The following CCDC141 variants were observed in gnomAD, a reference collection of about 807,000 sequenced individuals.
CCDC141 encodes coiled-coil domain-containing protein 141.
CCDC141 carries 168 observed loss-of-function variants against 181.0 expected under a neutral mutation model. The observed-to-expected ratio is 0.93, with a 90% confidence interval of 0.82 to 1.05. The LOEUF is 1.05. Ranked by LOEUF, CCDC141 falls within the 50% of genes least tolerant of loss-of-function variation. The pLI is 0.00. For missense variants in CCDC141, 1,902 were observed against 1,788.5 expected (o/e 1.06, Z -1.14); for synonymous variants, 666 against 642.3 (o/e 1.04, Z -0.56).
chr2:178,983,062 C>T (rs1394645745), intron 2 of CCDC141, among the ~76,000 whole-genome samples: 1 of 152,170 alleles, frequency 6.6e-6, no homozygotes. Flanking sequence ...CTTAAATGTC[C>T]CTGTCTGACA....
At chr2:178,956,222 C>T (rs747933203) in intron 5 of CCDC141, among the ~76,000 whole-genome samples, 44 of 152,236 alleles carry the variant, frequency 2.9e-4, no homozygotes, top group Non-Finnish European at 5.3e-4. Flanking sequence ...TAACTAACTA[C>T]TCCAACCACT....
At chr2:179,037,917 G>A (rs181516942) in intron 2 of CCDC141, among the ~76,000 whole-genome samples, 21 of 152,274 alleles carry the variant, frequency 1.4e-4, no homozygotes, top group Non-Finnish European at 2.9e-4. Flanking sequence ...GGGAACAAAA[G>A]TTGATGCAGT....
chr2:178,934,652 G>A, intron 6 of CCDC141, among the ~76,000 whole-genome samples: 1 of 152,144 alleles, frequency 6.6e-6, no homozygotes, highest in Non-Finnish European at 1.5e-5. Context: ...AAGTTGCTGT[G>A]TTTCTTGTTC....
intron 10 of CCDC141, 79 bp from the exon 11 acceptor site, chr2:178,885,171 C>T: frequency 1.1e-6 from 1 of 920,996 alleles, no homozygotes; most frequent in East Asian, 2.7e-5. Context: ...TCTGCATATC[C>T]ACCAATTATG....
chr2:178,837,227 G>T lies in CCDC141; in HGVS notation c.3992C>A (p.Ala1331Asp), dbSNP rs1286392084. Residue 1331 changes from alanine to aspartate, a missense_variant, in exon 23 of 24, where the codon GCT (alanine) becomes GAT (aspartate). Transcript: ENST00000443758. ...ESMMSEVHERALQQHPQAQGG... is the reference protein window; with the variant it reads ...ESMMSEVHERDLQQHPQAQGG... ...CTGAGCCTGAGGGTGCTGCTGTAAA[G>T]CTCTCTCATGCACTTCACTCATCAT... The T allele has an allele frequency of 5.0e-6, 8 of 1,614,032 alleles. No individual in the cohort carries two copies. Among genetic ancestry groups the T allele is most frequent in the Non-Finnish European group, 6.8e-6 (8 of 1,179,976 alleles).
At chr2:179,041,901 C>T (rs1443875477) in intron 2 of CCDC141, among the ~76,000 whole-genome samples, 2 of 152,122 alleles carry the variant, frequency 1.3e-5, no homozygotes, top group Non-Finnish European at 2.9e-5. Flanking sequence ...CAGGAGTACC[C>T]AGATTCATAA....
intron 7 of CCDC141, among the ~76,000 whole-genome samples, chr2:178,915,277 A>C (rs1299681049): frequency 1.3e-5 from 2 of 152,230 alleles, no homozygotes; most frequent in African/African-American, 4.8e-5. Flanking sequence ...GAAAAAAGGA[A>C]TATATATGAT....
chr2:178,992,928 G>A (rs544276661), intron 2 of CCDC141, among the ~76,000 whole-genome samples: 2 of 152,218 alleles, frequency 1.3e-5, no homozygotes, highest in East Asian at 1.9e-4. Flanking sequence ...CACCATGTGA[G>A]GAAGGATGTG....
At chr2:179,000,687 G>A (rs1478599004) in intron 2 of CCDC141, among the ~76,000 whole-genome samples, 1 of 152,146 alleles carries the variant, frequency 6.6e-6, no homozygotes, top group East Asian at 1.9e-4. Context: ...ATGTTGAGCT[G>A]AGTCAATTCC....
At chr2:178,938,944 G>C (rs963992367) in intron 6 of CCDC141, among the ~76,000 whole-genome samples, 1 of 152,080 alleles carries the variant, frequency 6.6e-6, no homozygotes, top group Non-Finnish European at 1.5e-5. Context: ...AGTAAGGGAA[G>C]ACAAAGAATA....
At chr2:178,824,818 A>C (rs567105509), downstream of CCDC141, among the ~76,000 whole-genome samples, 1 of 152,158 alleles carries the variant, frequency 6.6e-6, no homozygotes, top group South Asian at 2.1e-4. Flanking sequence ...TTTGAACAAA[A>C]CCTATAATAG....
intron 2 of CCDC141, among the ~76,000 whole-genome samples, chr2:178,989,469 C>G (rs547822767): frequency 6.6e-6 from 1 of 151,742 alleles, no homozygotes; most frequent in East Asian, 1.9e-4. Context: ...TGGTGGGCAC[C>G]TGTAATCCTA....
In CCDC141 at chr2:178,837,167, G is replaced by A. The variant is rs931499698; in HGVS notation, c.4052C>T (p.Ala1351Val). The A allele has an allele frequency of 2.5e-6, 4 of 1,613,800 alleles. No homozygotes were observed. The African/African-American group carries it at 5.3e-5, about 22-fold the overall frequency. ...TTGGGTTTTAGTGAAGTTATTATCA[G>A]CATGCATTTTCTCCCGTGTTTCTAG... ...GLLETREKMH[A>V]DNNFTKTQDR... is the part of the protein sequence containing the mutation. The change falls in exon 23 of 24, where the codon GCT becomes GTT. Residue 1351 changes from alanine to valine, a missense_variant. By Grantham distance (64) the Ala-to-Val change is moderately conservative. Transcript: ENST00000443758.
chr2:178,982,515 G>C (rs371141399), intron 2 of CCDC141, among the ~76,000 whole-genome samples: 4 of 152,210 alleles, frequency 2.6e-5, no homozygotes, highest in Non-Finnish European at 4.4e-5. Flanking sequence ...CCTGAGCGAC[G>C]CAGAAGACGG....
chr2:178,922,572 C>T (rs924968793), intron 6 of CCDC141, among the ~76,000 whole-genome samples: 1 of 152,110 alleles, frequency 6.6e-6, no homozygotes, highest in Admixed American at 6.5e-5. Flanking sequence ...TCAGAAGGCT[C>T]GCTATTTCAG....
At chr2:179,009,877 C>T (rs545706005) in intron 2 of CCDC141, among the ~76,000 whole-genome samples, 4 of 151,708 alleles carry the variant, frequency 2.6e-5, no homozygotes, top group Non-Finnish European at 4.4e-5. Context: ...AAGGTGAAGC[C>T]CAATGCAAGG....
intron 12 of CCDC141, 165 bp downstream of exon 12, chr2:178,877,799 A>G (rs1686413607): frequency 1.5e-6 from 1 of 687,340 alleles, no homozygotes; most frequent in Non-Finnish European, 2.6e-6. Flanking sequence ...AGGCCAAGCA[A>G]GCATTTAAAT....
In CCDC141 at chr2:179,041,491, GTTTTTTTTTTT is replaced by G. The variant is rs35229059; in HGVS notation, c.225+5782_225+5792del. On this transcript the variant is annotated intron_variant, in intron 2 of 23. Transcript: ENST00000443758. ...TATTATTTAATCGGGTTGGTTGTGG[GTTTTTTTTTTT>G]TTTTTTTTTTTTTTGCCAAATAACC... Among the ~76,000 whole-genome samples, 83 of 58,912 alleles carry G rather than the reference GTTTTTTTTTTT, an allele frequency of 1.4e-3. 1 individual carries two copies. The highest frequency in any genetic ancestry group is 5.5e-3 in the African/African-American group (76 of 13,866). 38.6% of individuals were successfully genotyped at this position (58,912 alleles called of 152,430 possible). A position where few individuals can be genotyped will look rare whatever the true frequency, so the allele number is the denominator to read the frequency against.
intron 16 of CCDC141, among the ~76,000 whole-genome samples, chr2:178,866,820 G>A (rs2154368700): frequency 6.6e-6 from 1 of 152,152 alleles, no homozygotes; most frequent in African/African-American, 2.4e-5. Flanking sequence ...CCGCCTCCTG[G>A]GTTCAAGCGA....
Sources: allele counts gnomAD v4.1 joint callset (sites outside exome capture counted in the v4.1 genomes callset), GRCh38; gene constraint gnomAD v4.1.1; transcripts MANE v1.5; gene names NCBI Gene and HGNC (gene_info 2026-07-23, HGNC 2026-07-21).